GMDS: variants seen among roughly 807,000 people sequenced by gnomAD.
The protein encoded by GMDS is GDP-mannose 4,6 dehydratase.
Under a neutral mutation model 49.9 loss-of-function variants are expected in GMDS, and 20 were observed. The observed-to-expected ratio is 0.40, with a 90% CI of 0.28 to 0.58. The LOEUF (loss-of-function observed/expected upper bound fraction) is 0.58, where lower values mean the gene tolerates loss of function less well. Among genes scored for constraint, GMDS ranks in the 20% least tolerant of loss-of-function variants. The probability of loss-of-function intolerance (pLI) is 0.42; values close to 1 mark genes in which losing one functional copy is unlikely to be tolerated. For synonymous variants in GMDS, 177 were observed against 178.6 expected (o/e 0.99, Z 0.07); for missense variants, 362 against 481.4 (o/e 0.75, Z 2.32).
At chr6:1,782,659 G>A (rs1769150238) in intron 7 of GMDS, among the ~76,000 whole-genome samples, 1 of 152,186 alleles carries the variant, frequency 6.6e-6, no homozygotes, top group South Asian at 2.1e-4. Context: ...CTCACTCTTG[G>A]CAAAGGCAAA....
chr6:1,919,044 T>C (rs1311184192), intron 7 of GMDS, among the ~76,000 whole-genome samples: 1 of 152,176 alleles, frequency 6.6e-6, no homozygotes, highest in African/African-American at 2.4e-5. Context: ...ATTTCATATA[T>C]ACAGATTTCA....
chr6:2,118,209 T>C (rs940082754), intron 2 of GMDS, among the ~76,000 whole-genome samples: 9 of 152,066 alleles, frequency 5.9e-5, no homozygotes, highest in South Asian at 2.1e-4. Context: ...GGGGGGACAG[T>C]TGATAAAACA....
At chr6:1,719,682 G>T (rs992370245) in intron 9 of GMDS, among the ~76,000 whole-genome samples, 3 of 151,470 alleles carry the variant, frequency 2.0e-5, no homozygotes, top group African/African-American at 7.3e-5. Context: ...ATCGGCCAAA[G>T]ATGAAAATAA....
chr6:1,878,574 C>A (rs183789540), intron 7 of GMDS, among the ~76,000 whole-genome samples: 1 of 151,788 alleles, frequency 6.6e-6, no homozygotes, highest in Non-Finnish European at 1.5e-5. Flanking sequence ...GCTGGCCATG[C>A]GGGAATCTGC....
At chr6:2,062,756 G>T (rs1447697911) in intron 4 of GMDS, among the ~76,000 whole-genome samples, 1 of 152,178 alleles carries the variant, frequency 6.6e-6, no homozygotes, top group Non-Finnish European at 1.5e-5. Context: ...TCTAAAACCT[G>T]TATTCAGAGA....
At chr6:1,842,713 G>A (rs923455644) in intron 7 of GMDS, among the ~76,000 whole-genome samples, 2 of 152,142 alleles carry the variant, frequency 1.3e-5, no homozygotes, top group Admixed American at 6.5e-5. Context: ...GTTACTTGAA[G>A]CTAAAAATAT....
In GMDS at chr6:1,948,225, A is replaced by C. The variant is rs112079348; in HGVS notation, c.643+11642T>G. 1.1e-3 allele frequency among the ~76,000 whole-genome samples: 166 copies of C among 152,320 alleles called. 1 individual carries two copies. The highest frequency in any genetic ancestry group is 3.8e-3 in the African/African-American group (158 of 41,568). On this transcript the variant is annotated intron_variant, in intron 6 of 10. Coordinates refer to ENST00000380815, the MANE Select transcript of GMDS (RefSeq NM_001500.4). The stretch of plus-strand genomic sequence containing the variant: ...TGAACACTTCTATATCCTTACGTGA[A>C]CCACTTAAAAAGGGGAACAATATTC...
At chr6:1,682,351 C>A (rs985334125) in intron 9 of GMDS, among the ~76,000 whole-genome samples, 1 of 152,330 alleles carries the variant, frequency 6.6e-6, no homozygotes, top group East Asian at 1.9e-4. Context: ...CCTCTGCCAA[C>A]CCCCGCCTCC....
At chr6:1,924,879 A>G (rs575098933) in intron 7 of GMDS, among the ~76,000 whole-genome samples, 1 of 152,290 alleles carries the variant, frequency 6.6e-6, no homozygotes, top group East Asian at 1.9e-4. Context: ...TACTTAAGAT[A>G]AAAATATTTT....
At chr6:1,764,948 T>G (rs571227520) in intron 7 of GMDS, among the ~76,000 whole-genome samples, 1 of 152,290 alleles carries the variant, frequency 6.6e-6, no homozygotes, top group East Asian at 1.9e-4. Flanking sequence ...GGAGCTGTCT[T>G]TTTTTCTGAG....
At chr6:1,728,531 A>C (rs746131329) in intron 8 of GMDS, among the ~76,000 whole-genome samples, 10 of 152,186 alleles carry the variant, frequency 6.6e-5, no homozygotes, top group Non-Finnish European at 1.5e-4. Flanking sequence ...CTGTTCTTCC[A>C]CTGGTAAATC....
intron 9 of GMDS, among the ~76,000 whole-genome samples, chr6:1,683,940 T>C (rs1764882681): frequency 6.7e-6 from 1 of 150,082 alleles, no homozygotes. Flanking sequence ...CCGCCCTCTA[T>C]CAGCTATGAG....
chr6:1,977,823 T>A (rs754694384), intron 4 of GMDS, among the ~76,000 whole-genome samples: 6 of 151,658 alleles, frequency 4.0e-5, no homozygotes, highest in Non-Finnish European at 8.8e-5. Context: ...CTGTGTGGAG[T>A]CTTGGCAGAA....
intron 4 of GMDS, among the ~76,000 whole-genome samples, chr6:2,012,574 G>C (rs1024324730): frequency 6.6e-6 from 1 of 152,092 alleles, no homozygotes; most frequent in Non-Finnish European, 1.5e-5. Flanking sequence ...ACTTTTCTTA[G>C]GTCCATGTGA....
At chr6:1,817,275 A>T (rs749417870) in intron 7 of GMDS, among the ~76,000 whole-genome samples, 11 of 152,086 alleles carry the variant, frequency 7.2e-5, no homozygotes, top group Non-Finnish European at 1.3e-4. Context: ...TTGAACCAAA[A>T]TAGACTTCCT....
At chr6:2,037,373 T>C (rs914813483) in intron 4 of GMDS, among the ~76,000 whole-genome samples, 1 of 152,198 alleles carries the variant, frequency 6.6e-6, no homozygotes, top group Admixed American at 6.5e-5. Flanking sequence ...CCATTCCCAC[T>C]GAAGTACGCT....
chr6:2,105,181 CAAAAAAAAA>C (rs530164439), intron 4 of GMDS, among the ~76,000 whole-genome samples: 1 of 64,422 alleles, frequency 1.6e-5, no homozygotes, highest in Admixed American at 1.8e-4. Context: ...GACTCCGTCT[CAAAAAAAAA>C]AAAAAAAAAA....
intron 7 of GMDS, among the ~76,000 whole-genome samples, chr6:1,892,241 G>C (rs1333278610): frequency 6.6e-6 from 1 of 151,788 alleles, no homozygotes; most frequent in Non-Finnish European, 1.5e-5. Context: ...CTTTTACCTA[G>C]AAATATGTCT....
At chr6:2,241,722 A>G (rs1268174636) in intron 1 of GMDS, among the ~76,000 whole-genome samples, 1 of 152,232 alleles carries the variant, frequency 6.6e-6, no homozygotes, top group Non-Finnish European at 1.5e-5. Context: ...CCATGAGTGG[A>G]AGCCTAAAGC....
Sources: gnomAD v4.1 joint callset for allele counts (sites outside exome capture counted in the v4.1 genomes callset) on GRCh38, gnomAD v4.1.1 for gene constraint, MANE v1.5 for transcripts, NCBI Gene and HGNC (gene_info 2026-07-23, HGNC 2026-07-21) for gene names.